Variants in UBE2K observed in about 807,000 individuals in gnomAD.
UBE2K encodes the protein ubiquitin-conjugating enzyme E2 K.
Under a neutral mutation model 30.0 loss-of-function variants are expected in UBE2K, and 6 were observed. The observed-to-expected ratio is 0.20, with a 90% CI of 0.11 to 0.39. The LOEUF (loss-of-function observed/expected upper bound fraction) is 0.39. Ranked by LOEUF, UBE2K falls within the 10% of genes least tolerant of loss-of-function variation. The pLI is 1.00. For missense variants in UBE2K, 61 were observed against 241.6 expected (o/e 0.25, Z 4.96); for synonymous variants, 86 against 83.7 (o/e 1.03, Z -0.15).
intron 4 of UBE2K, among the ~76,000 whole-genome samples, chr4:39,763,322 G>T (rs1252179500): frequency 4.0e-5 from 6 of 151,060 alleles, no homozygotes; most frequent in Non-Finnish European, 7.4e-5. Flanking sequence ...CACGATGTTG[G>T]CTCACTGCAA....
rs752940706 is a variant in UBE2K at position 39,781,974 on chromosome 4, C to T, written c.*3540C>T. ...TTTATTCCCAAGTGTGACTTTTCTT[C>T]AGTGTCTACATATTATGTCACACGT... On this transcript the variant is annotated 3_prime_UTR_variant, in exon 7 of 7. Coordinates refer to ENST00000261427, the MANE Select transcript of UBE2K (RefSeq NM_005339.5). The T allele has an allele frequency of 5.0e-6, 2 of 398,332 alleles. No homozygotes were observed. The highest frequency in any genetic ancestry group is 8.9e-6 in the Non-Finnish European group (2 of 225,934). The allele number at this position is 398,332 out of a possible 1,614,324, so 24.7% of individuals were successfully genotyped here. A position where few individuals can be genotyped will look rare whatever the true frequency, so the allele number is the denominator to read the frequency against.
chr4:39,743,447 C>CA (rs1720812639), intron 2 of UBE2K, among the ~76,000 whole-genome samples: 1 of 151,818 alleles, frequency 6.6e-6, no homozygotes, highest in Non-Finnish European at 1.5e-5. Context: ...ACTAAAAATA[C>CA]AAAAAAATTA....
chr4:39,770,591 G>C (rs2109403413), intron 4 of UBE2K: 2 of 1,583,150 alleles, frequency 1.3e-6, no homozygotes, highest in African/African-American at 1.3e-5. Flanking sequence ...CGCTGGCCCG[G>C]CCTCCCGGAG....
intron 1 of UBE2K, among the ~76,000 whole-genome samples, chr4:39,734,175 G>T (rs1224295262): frequency 6.9e-6 from 1 of 145,424 alleles, no homozygotes; most frequent in Admixed American, 7.2e-5. Flanking sequence ...GCGAAATCTC[G>T]GCTCACTCCA....
At chr4:39,706,471 C>CTTT (rs35941407) in intron 1 of UBE2K, among the ~76,000 whole-genome samples, 1 of 133,578 alleles carries the variant, frequency 7.5e-6, no homozygotes, top group East Asian at 2.2e-4. Flanking sequence ...CATGCCTGGA[C>CTTT]TTTTTTTTTT....
At chr4:39,757,777 T>C (rs1711590289) in intron 4 of UBE2K, among the ~76,000 whole-genome samples, 1 of 152,208 alleles carries the variant, frequency 6.6e-6, no homozygotes, top group South Asian at 2.1e-4. Context: ...TTAGAGACAT[T>C]GTACTGTTTT....
At chr4:39,771,924 T>C (rs1712903262) in intron 4 of UBE2K, among the ~76,000 whole-genome samples, 1 of 152,164 alleles carries the variant, frequency 6.6e-6, no homozygotes, top group African/African-American at 2.4e-5. Flanking sequence ...CACTATAACC[T>C]TCGCCTCCCA....
intron 3 of UBE2K, among the ~76,000 whole-genome samples, chr4:39,753,736 A>G (rs957060269): frequency 6.6e-6 from 1 of 152,218 alleles, no homozygotes; most frequent in Non-Finnish European, 1.5e-5. Context: ...AGAACAGGGG[A>G]AAAGTTTAAT....
At chr4:39,755,794 A>AC (rs1721492444) in intron 4 of UBE2K, 55 bp downstream of exon 4, 7 of 1,307,500 alleles carry the variant, frequency 5.4e-6, no homozygotes, top group Middle Eastern at 1.8e-4. Flanking sequence ...CAAGACTGTA[A>AC]GAGTGTTAAA....
At chr4:39,755,827 T>A in intron 4 of UBE2K, 88 bp downstream of exon 4, 1 of 935,998 alleles carries the variant, frequency 1.1e-6, no homozygotes, top group Non-Finnish European at 1.6e-6. Flanking sequence ...TCAAAACATA[T>A]ATTATACTTT....
intron 2 of UBE2K, among the ~76,000 whole-genome samples, chr4:39,739,847 C>G (rs1720598860): frequency 6.6e-6 from 1 of 152,206 alleles, no homozygotes; most frequent in African/African-American, 2.4e-5. Flanking sequence ...CCTTGGTGTC[C>G]CAAAGTCTTG....
intron 3 of UBE2K, among the ~76,000 whole-genome samples, chr4:39,752,311 A>ATTTTTTTTTTTTTTTTT (rs751312791): frequency 8.4e-6 from 1 of 118,544 alleles, no homozygotes; most frequent in African/African-American, 3.2e-5. Context: ...CGCCTGGCTA[A>ATTTTTTTTTTTTTTTTT]TTTTTTTTTT....
chr4:39,728,126 A>G (rs528998625), intron 1 of UBE2K, among the ~76,000 whole-genome samples: 41 of 149,322 alleles, frequency 2.7e-4, no homozygotes, highest in South Asian at 2.4e-3. Flanking sequence ...AGAGCAAGAC[A>G]CCATCTCAAA....
intron 1 of UBE2K, among the ~76,000 whole-genome samples, chr4:39,710,395 C>T (rs574283277): frequency 6.6e-6 from 1 of 152,104 alleles, no homozygotes; most frequent in Non-Finnish European, 1.5e-5. Flanking sequence ...CCTCCTGCCT[C>T]AGCCTTCCTA....
chr4:39,769,198 C>T (rs1295654313), intron 4 of UBE2K, among the ~76,000 whole-genome samples: 2 of 144,750 alleles, frequency 1.4e-5, no homozygotes, highest in Non-Finnish European at 3.0e-5. Flanking sequence ...TAAAACAACC[C>T]TGGAGTTTCT....
At chr4:39,747,253 G>A (rs530522314) in intron 3 of UBE2K, among the ~76,000 whole-genome samples, 1 of 152,190 alleles carries the variant, frequency 6.6e-6, no homozygotes, top group African/African-American at 2.4e-5. Flanking sequence ...CAGTTCAGTG[G>A]CAGTGTATTT....
chr4:39,713,286 A>ATTT (rs56104487), intron 1 of UBE2K, among the ~76,000 whole-genome samples: 8 of 83,580 alleles, frequency 9.6e-5, no homozygotes, highest in South Asian at 4.3e-4. Flanking sequence ...TCTGTAGGAA[A>ATTT]TTTTTTTTTT....
chr4:39,771,068 T>G, intron 4 of UBE2K: 1 of 1,612,554 alleles, frequency 6.2e-7, no homozygotes, highest in Non-Finnish European at 8.5e-7. Flanking sequence ...GTGAACTGGC[T>G]GAGGGCATTC....
chr4:39,743,261 A>C (rs970426438), intron 2 of UBE2K, among the ~76,000 whole-genome samples: 12 of 152,114 alleles, frequency 7.9e-5, no homozygotes, highest in Admixed American at 2.6e-4. Context: ...TGTTCCTAGC[A>C]CACAGTTTTT....
Sources: gnomAD v4.1 joint callset for allele counts (sites outside exome capture counted in the v4.1 genomes callset) on GRCh38, gnomAD v4.1.1 for gene constraint, MANE v1.5 for transcripts, NCBI Gene and HGNC (gene_info 2026-07-23, HGNC 2026-07-21) for gene names.